The following DMD variants were observed in gnomAD, a reference collection of about 807,000 sequenced individuals.
DMD encodes mutant dystrophin.
DMD carries 63 observed loss-of-function variants against 330.1 expected under a neutral mutation model. The observed-to-expected ratio is 0.19, with a 90% CI of 0.16 to 0.24. The LOEUF is 0.24. Among genes scored for constraint, DMD ranks in the 10% least tolerant of loss-of-function variants. The pLI, the probability that DMD is intolerant of heterozygous loss-of-function variation, is 1.00. For synonymous variants in DMD, 1,223 were observed against 959.8 expected (o/e 1.27, Z -5.07); for missense variants, 3,344 against 2,684.1 (o/e 1.25, Z -5.43).
intron 56 of DMD, among the ~76,000 whole-genome samples, chrX:31,502,196 G>A (rs1194148714): frequency 9.0e-6 from 1 of 111,394 alleles, no homozygotes; most frequent in Non-Finnish European, 1.9e-5. Context: ...AATCTCCAGG[G>A]TGTCATCAAC....
chrX:32,434,348 T>C (rs574582177), intron 29 of DMD, among the ~76,000 whole-genome samples: 2 of 111,955 alleles, frequency 1.8e-5, no homozygotes, highest in Non-Finnish European at 3.8e-5. Context: ...AGGCAGAGGT[T>C]GCAGTGAGCC....
intron 7 of DMD, among the ~76,000 whole-genome samples, chrX:32,776,026 C>T (rs1179593551): frequency 8.9e-6 from 1 of 111,802 alleles, no homozygotes; most frequent in African/African-American, 3.3e-5. Context: ...TTACAGATTT[C>T]TGCCAGATAC....
At chrX:32,998,245 C>A (rs1021661035) in intron 2 of DMD, among the ~76,000 whole-genome samples, 2 of 107,457 alleles carry the variant, frequency 1.9e-5, no homozygotes, top group African/African-American at 6.8e-5. Flanking sequence ...TGGTGCATGC[C>A]TGTAGCTAAG....
At chrX:31,481,864 T>G (rs962408031) in intron 57 of DMD, among the ~76,000 whole-genome samples, 2 of 111,448 alleles carry the variant, frequency 1.8e-5, no homozygotes, top group African/African-American at 6.5e-5. Flanking sequence ...TTGTAAAACA[T>G]GAGACACACA....
intron 17 of DMD, among the ~76,000 whole-genome samples, chrX:32,533,564 T>G (rs2047676025): frequency 8.9e-6 from 1 of 112,064 alleles, no homozygotes; most frequent in Admixed American, 9.5e-5. Flanking sequence ...TTCTAACATT[T>G]TATTAGTACT....
intron 55 of DMD, among the ~76,000 whole-genome samples, chrX:31,519,470 G>A (rs764385064): frequency 8.9e-6 from 1 of 111,818 alleles, no homozygotes; most frequent in African/African-American, 3.2e-5. Flanking sequence ...AATTCCCTCT[G>A]GCTTGTTTTA....
rs113720412 is a variant in DMD, at chrX:32,883,766, G to C, written c.94-33946C>G. 4.7e-3 allele frequency among the ~76,000 whole-genome samples: 431 copies of C among 92,582 alleles called. 8 individuals are homozygous for C. The East Asian group carries it at 0.075, about 16-fold the overall frequency. The allele number at this position is 92,582 out of a possible 115,157, so 80.4% of individuals were successfully genotyped here. A position where few individuals can be genotyped will look rare whatever the true frequency, so the allele number is the denominator to read the frequency against. ...GTGAACCCGGGAGGCAGAGGTTGCA[G>C]TGAGCCGAGATCATGCCACTGCACT... On this transcript the variant is annotated intron_variant, in intron 2 of 78. Transcript: ENST00000357033.
intron 13 of DMD, among the ~76,000 whole-genome samples, chrX:32,580,288 A>T (rs768039397): frequency 1.8e-5 from 2 of 111,853 alleles, no homozygotes; most frequent in Admixed American, 9.5e-5. Context: ...ACTGAATACT[A>T]CTACTGTCGT....
chrX:32,470,292 C>A (rs1195693498), intron 22 of DMD, among the ~76,000 whole-genome samples: 1 of 110,942 alleles, frequency 9.0e-6, no homozygotes, highest in Non-Finnish European at 1.9e-5. Flanking sequence ...GGTGTTTTTA[C>A]AATGTTTGTG....
At chrX:33,241,937 T>G (rs1037493982) in intron 1 of DMD, among the ~76,000 whole-genome samples, 1 of 110,635 alleles carries the variant, frequency 9.0e-6, no homozygotes, top group African/African-American at 3.3e-5. Flanking sequence ...AATTTTTGTA[T>G]TTTTAGTAGA....
chrX:31,353,380 C>G lies in DMD; in HGVS notation c.9085-4746G>C, dbSNP rs748305225. On this transcript the variant is annotated intron_variant, in intron 60 of 78. Coordinates refer to ENST00000357033, the MANE Select transcript of DMD (RefSeq NM_004006.3). ...TTGGGAAGATCAGTATAGTGTAAAACAGATTCGAAAGGGCACCTGAGACTG... is the reference window on the plus strand; with the variant it reads ...TTGGGAAGATCAGTATAGTGTAAAAGAGATTCGAAAGGGCACCTGAGACTG... Among the ~76,000 whole-genome samples the G allele has an allele frequency of 3.6e-5, 4 of 111,623 alleles. No homozygotes were observed. The East Asian group carries it at 1.1e-3, about 32-fold the overall frequency.
intron 44 of DMD, among the ~76,000 whole-genome samples, chrX:31,998,818 A>G (rs1233838600): frequency 8.9e-6 from 1 of 112,396 alleles, no homozygotes; most frequent in Non-Finnish European, 1.9e-5. Flanking sequence ...TAAATTCTAC[A>G]ATGCATAATC....
chrX:32,827,686 G>A (rs1489898631), intron 4 of DMD, among the ~76,000 whole-genome samples: 1 of 95,317 alleles, frequency 1.0e-5, no homozygotes, highest in Non-Finnish European at 2.0e-5. Flanking sequence ...TTGAGGTGGA[G>A]TTTCGCTCTT....
chrX:33,008,116 A>T (rs942666247), intron 2 of DMD, among the ~76,000 whole-genome samples: 2 of 111,729 alleles, frequency 1.8e-5, no homozygotes, highest in African/African-American at 6.5e-5. Context: ...ACCGAAAGTG[A>T]TCACTTGTTT....
chrX:31,348,047 C>T (rs2058193739), intron 61 of DMD: 1 of 120,696 alleles, frequency 8.3e-6, no homozygotes, highest in Non-Finnish European at 1.7e-5. Context: ...TTTCATAAGG[C>T]AGGGATCATT....
At chrX:32,868,994 G>A (rs1331588560) in intron 2 of DMD, among the ~76,000 whole-genome samples, 5 of 111,417 alleles carry the variant, frequency 4.5e-5, no homozygotes, top group Non-Finnish European at 9.4e-5. Flanking sequence ...ATACAGGAAG[G>A]TTCCTGCTGG....
intron 63 of DMD, among the ~76,000 whole-genome samples, chrX:31,256,027 C>T (rs914321736): frequency 2.7e-5 from 3 of 110,422 alleles, no homozygotes; most frequent in East Asian, 2.8e-4. Flanking sequence ...CCGCCCACCT[C>T]GACCTCCCAA....
chrX:32,902,885 G>T (rs1601819008), intron 2 of DMD, among the ~76,000 whole-genome samples: 1 of 109,581 alleles, frequency 9.1e-6, no homozygotes, highest in Non-Finnish European at 1.9e-5. Context: ...GGCCAGGTGC[G>T]GTGGTTCACA....
intron 2 of DMD, among the ~76,000 whole-genome samples, chrX:32,989,469 C>T (rs1039330313): frequency 2.7e-5 from 3 of 111,594 alleles, no homozygotes; most frequent in Non-Finnish European, 5.7e-5. Flanking sequence ...AAAATGTCAT[C>T]GTTAGTGTTG....
Sources: gnomAD v4.1 joint callset for allele counts (sites outside exome capture counted in the v4.1 genomes callset) on GRCh38, gnomAD v4.1.1 for gene constraint, MANE v1.5 for transcripts, NCBI Gene and HGNC (gene_info 2026-07-23, HGNC 2026-07-21) for gene names.